GLIS3: variants seen among roughly 807,000 people sequenced by gnomAD.
GLIS3 encodes zinc finger protein GLIS3.
In GLIS3, 53 loss-of-function variants were observed where a neutral mutation model predicts 78.6. That is an observed-to-expected ratio of 0.67 (90% CI 0.54 to 0.85). The LOEUF (loss-of-function observed/expected upper bound fraction) is 0.85, where lower values mean the gene tolerates loss of function less well. GLIS3 is among the 40% of genes least tolerant of loss of function. The pLI, the probability that GLIS3 is intolerant of heterozygous loss-of-function variation, is 0.00. For synonymous variants in GLIS3, 684 were observed against 509.9 expected, an observed-to-expected ratio of 1.34 and a Z score of -4.60; for missense variants, 1,703 against 1,231.1, an observed-to-expected ratio of 1.38 and a Z score of -5.74.
At chr9:4,419,870 T>TCTG in the GLIS3 span, among the ~76,000 whole-genome samples, 1 of 152,006 alleles carries the variant, frequency 6.6e-6, no homozygotes, top group East Asian at 1.9e-4. Flanking sequence ...AAGGGAGAAA[T>TCTG]CTGCCCCCAT....
At chr9:4,222,982 A>G (rs1210054457) in intron 2 of GLIS3, among the ~76,000 whole-genome samples, 2 of 152,090 alleles carry the variant, frequency 1.3e-5, no homozygotes, top group Non-Finnish European at 2.9e-5. Context: ...GTTGTTCCTT[A>G]GGGAATTAGG....
chr9:4,180,244 C>G (rs1817186360), intron 2 of GLIS3, among the ~76,000 whole-genome samples: 1 of 152,084 alleles, frequency 6.6e-6, no homozygotes, highest in Admixed American at 6.6e-5. Flanking sequence ...GGACAGTTTC[C>G]CACCGGCATG....
At chr9:3,992,105 C>G (rs1445756837) in intron 4 of GLIS3, among the ~76,000 whole-genome samples, 2 of 152,136 alleles carry the variant, frequency 1.3e-5, no homozygotes, top group Non-Finnish European at 2.9e-5. Flanking sequence ...CCATTTAAAA[C>G]TCTGCTTTAG....
intron 4 of GLIS3, among the ~76,000 whole-genome samples, chr9:3,952,565 A>ACTTGC (rs1816771248): frequency 6.6e-6 from 1 of 152,200 alleles, no homozygotes; most frequent in Non-Finnish European, 1.5e-5. Flanking sequence ...AGAGCCTGTC[A>ACTTGC]CAGTGCCTGG....
intron 9 of GLIS3, among the ~76,000 whole-genome samples, chr9:3,844,175 G>A (rs777929990): frequency 6.6e-5 from 10 of 152,130 alleles, no homozygotes; most frequent in Non-Finnish European, 1.2e-4. Context: ...TGTTTTTGTT[G>A]TTCTGTTTTA....
intron 6 of GLIS3, among the ~76,000 whole-genome samples, chr9:3,909,861 T>C (rs981337845): frequency 7.9e-5 from 12 of 152,340 alleles, no homozygotes; most frequent in Admixed American, 5.9e-4. Flanking sequence ...CACTAATTGA[T>C]AGCCACTAGC....
At chr9:4,036,109 G>A (rs1006389210) in intron 4 of GLIS3, 2 of 152,140 alleles carry the variant, frequency 1.3e-5, no homozygotes, top group Admixed American at 6.5e-5. Context: ...TTTTCACAGG[G>A]AATTACCATC....
chr9:4,288,346 AG>A (rs1485137645), intron 1 of GLIS3, among the ~76,000 whole-genome samples: 2 of 152,234 alleles, frequency 1.3e-5, no homozygotes, highest in African/African-American at 2.4e-5. Context: ...AAAAGGCAAA[AG>A]AAATATGTCA....
At chr9:3,966,421 T>G (rs1817934805) in intron 4 of GLIS3, among the ~76,000 whole-genome samples, 2 of 150,944 alleles carry the variant, frequency 1.3e-5, no homozygotes, top group Non-Finnish European at 3.0e-5. Flanking sequence ...AAATTTGACT[T>G]CAATGATGCA....
chr9:4,305,199 C>A (rs1817197791), intron 4 of GLIS3: 1 of 152,190 alleles, frequency 6.6e-6, no homozygotes, highest in Admixed American at 6.5e-5. Flanking sequence ...TGCTCTATTA[C>A]CTTTTCAGGG....
At chr9:4,430,635 C>A in the GLIS3 span, among the ~76,000 whole-genome samples, 1 of 152,162 alleles carries the variant, frequency 6.6e-6, no homozygotes, top group South Asian at 2.1e-4. Context: ...GAACAACTAG[C>A]AAGAGGATAG....
the GLIS3 span, among the ~76,000 whole-genome samples, chr9:4,415,160 G>A: frequency 1.3e-5 from 2 of 152,190 alleles, no homozygotes; most frequent in Admixed American, 6.5e-5. Flanking sequence ...GATAGAAGGT[G>A]TAAATCCATT....
At chr9:4,258,753 C>G (rs1233077449) in intron 2 of GLIS3, among the ~76,000 whole-genome samples, 1 of 152,116 alleles carries the variant, frequency 6.6e-6, no homozygotes, top group African/African-American at 2.4e-5. Flanking sequence ...TAATTGCTAG[C>G]TACATGGGTC....
chr9:4,459,887 A>T, the GLIS3 span, among the ~76,000 whole-genome samples: 1 of 152,226 alleles, frequency 6.6e-6, no homozygotes. Context: ...CTGCTGAATG[A>T]TGGAGAAAAA....
upstream of GLIS3, among the ~76,000 whole-genome samples, chr9:4,303,770 C>G (rs547545398): frequency 6.6e-6 from 1 of 152,244 alleles, no homozygotes; most frequent in East Asian, 1.9e-4. Context: ...ATCTAAAATT[C>G]AGAGAAAGGT....
chr9:4,084,161 G>A (rs1828797521), intron 4 of GLIS3, among the ~76,000 whole-genome samples: 1 of 151,962 alleles, frequency 6.6e-6, no homozygotes, highest in Non-Finnish European at 1.5e-5. Flanking sequence ...GAACTCCTTT[G>A]GGAGGGGAGA....
rs200850635 is a variant in GLIS3 at position 4,288,294 on chromosome 9, AG to A, written c.-98-1772del. ...GTTTTCTGAGCACTCTGAACCCTGC[AG>A]AAGAAAGCACGTATTCAGCAGCAAC... On this transcript the variant is annotated intron_variant, in intron 1 of 10. Coordinates refer to ENST00000381971, the MANE Select transcript of GLIS3 (RefSeq NM_001042413.2). Among the ~76,000 whole-genome samples the A allele has an allele frequency of 7.9e-3, 1,200 of 152,334 alleles. 16 individuals are homozygous for A. The highest frequency in any genetic ancestry group is 0.028 in the African/African-American group (1,157 of 41,570).
At chr9:4,185,009 A>G (rs1048102881) in intron 2 of GLIS3, among the ~76,000 whole-genome samples, 2 of 152,244 alleles carry the variant, frequency 1.3e-5, no homozygotes, top group African/African-American at 2.4e-5. Context: ...TTTGATTATT[A>G]GTAAACTTAT....
At chr9:4,238,956 C>A (rs911527410) in intron 2 of GLIS3, among the ~76,000 whole-genome samples, 1 of 151,900 alleles carries the variant, frequency 6.6e-6, no homozygotes, top group South Asian at 2.1e-4. Context: ...TTTGTCCCTG[C>A]AGTAGTTTGC....
Sources: allele counts gnomAD v4.1 joint callset (sites outside exome capture counted in the v4.1 genomes callset), GRCh38; gene constraint gnomAD v4.1.1; transcripts MANE v1.5; gene names NCBI Gene and HGNC (gene_info 2026-07-23, HGNC 2026-07-21).